The following SERGEF variants were observed in gnomAD, a reference collection of about 807,000 sequenced individuals.
SERGEF encodes secretion regulating guanine nucleotide exchange factor.
Under a neutral mutation model 50.0 loss-of-function variants are expected in SERGEF, and 51 were observed. The observed-to-expected ratio is 1.02, with a 90% CI of 0.81 to 1.29. The LOEUF (loss-of-function observed/expected upper bound fraction) is 1.29. Ranked by LOEUF, SERGEF falls within the 50% of genes most tolerant of loss-of-function variation. The probability of loss-of-function intolerance (pLI) is 0.00; values close to 1 mark genes in which losing one functional copy is unlikely to be tolerated. For synonymous variants in SERGEF, 205 were observed against 212.4 expected (o/e 0.97, Z 0.30); for missense variants, 521 against 557.0 (o/e 0.94, Z 0.65).
At chr11:17,834,005 G>T (rs1016145895) in intron 10 of SERGEF, among the ~76,000 whole-genome samples, 2 of 152,164 alleles carry the variant, frequency 1.3e-5, no homozygotes, top group African/African-American at 4.8e-5. Context: ...TGTTGGGAAG[G>T]CATGATTGGT....
chr11:17,978,379 T>C (rs751265476), intron 8 of SERGEF, among the ~76,000 whole-genome samples: 15 of 152,308 alleles, frequency 9.8e-5, no homozygotes, highest in Non-Finnish European at 1.8e-4. Flanking sequence ...GGTATAGGAC[T>C]TAAGAGATGA....
chr11:17,965,832 G>C (rs887855651), intron 8 of SERGEF, among the ~76,000 whole-genome samples: 1 of 152,160 alleles, frequency 6.6e-6, no homozygotes, highest in Admixed American at 6.5e-5. Flanking sequence ...CCATTCACTA[G>C]CTCCATAATC....
At chr11:17,846,413 G>A in intron 10 of SERGEF, 1 of 250,446 alleles carries the variant, frequency 4.0e-6, no homozygotes, top group Non-Finnish European at 8.1e-6. Context: ...TTGATGATTG[G>A]GCAGCAGTAT....
intron 9 of SERGEF, among the ~76,000 whole-genome samples, chr11:17,936,476 A>G (rs1198969064): frequency 6.6e-6 from 1 of 152,228 alleles, no homozygotes; most frequent in African/African-American, 2.4e-5. Context: ...ATAACACATT[A>G]CATTTATAGA....
intron 10 of SERGEF, among the ~76,000 whole-genome samples, chr11:17,829,180 C>T (rs1850251730): frequency 6.6e-6 from 1 of 152,208 alleles, no homozygotes; most frequent in African/African-American, 2.4e-5. Flanking sequence ...CTACTTGTTA[C>T]GTGACCTTGG....
intron 8 of SERGEF, among the ~76,000 whole-genome samples, chr11:17,984,315 G>A (rs771115874): frequency 5.9e-5 from 9 of 152,194 alleles, no homozygotes; most frequent in Admixed American, 2.6e-4. Flanking sequence ...CTCTGGAAGC[G>A]TACAATCATG....
chr11:17,867,941 A>T (rs1426806026), intron 10 of SERGEF, among the ~76,000 whole-genome samples: 1 of 152,148 alleles, frequency 6.6e-6, no homozygotes, highest in East Asian at 1.9e-4. Context: ...GGCTGCATAC[A>T]GTAGGGGCAC....
intron 10 of SERGEF, among the ~76,000 whole-genome samples, chr11:17,868,109 C>G (rs1463665960): frequency 1.3e-5 from 2 of 152,214 alleles, no homozygotes; most frequent in African/African-American, 4.8e-5. Flanking sequence ...ATTTCTGCAA[C>G]TGGCTTGAAT....
At chr11:17,911,973 G>C (rs548655447) in intron 9 of SERGEF, among the ~76,000 whole-genome samples, 1 of 152,170 alleles carries the variant, frequency 6.6e-6, no homozygotes, top group Non-Finnish European at 1.5e-5. Context: ...GATATGATGA[G>C]TTTGAGCTTA....
intron 1 of SERGEF, among the ~76,000 whole-genome samples, chr11:18,011,448 C>T (rs1854193742): frequency 6.6e-6 from 1 of 152,168 alleles, no homozygotes; most frequent in South Asian, 2.1e-4. Context: ...ATCTGCAAGC[C>T]AGAGAGAGGC....
chr11:17,925,065 CTTT>C (rs1444676379), intron 9 of SERGEF, among the ~76,000 whole-genome samples: 1 of 151,936 alleles, frequency 6.6e-6, no homozygotes, highest in Non-Finnish European at 1.5e-5. Context: ...TCTTTTTTTT[CTTT>C]TGTTTTTTAA....
At chr11:17,966,144 T>C (rs536128282) in intron 8 of SERGEF, among the ~76,000 whole-genome samples, 10 of 152,318 alleles carry the variant, frequency 6.6e-5, no homozygotes, top group South Asian at 4.1e-4. Flanking sequence ...GAAAGCTCTA[T>C]CATGGAATTT....
chr11:17,965,188 T>C (rs1396980992), intron 8 of SERGEF, among the ~76,000 whole-genome samples: 1 of 152,174 alleles, frequency 6.6e-6, no homozygotes, highest in Non-Finnish European at 1.5e-5. Context: ...GTTCTCATGA[T>C]AGTGAGTTCT....
chr11:17,871,585 T>C (rs1226768463), intron 10 of SERGEF, among the ~76,000 whole-genome samples: 1 of 151,178 alleles, frequency 6.6e-6, no homozygotes. Flanking sequence ...AAGAGAAACA[T>C]AGACAAAACC....
chr11:17,952,777 C>T (rs991225850), intron 9 of SERGEF, among the ~76,000 whole-genome samples: 14 of 152,090 alleles, frequency 9.2e-5, no homozygotes, highest in African/African-American at 3.4e-4. Flanking sequence ...ACTGAAGCTG[C>T]TCTCTCAAGT....
At chr11:18,009,916 T>G (rs754241617) in intron 1 of SERGEF, among the ~76,000 whole-genome samples, 4 of 152,142 alleles carry the variant, frequency 2.6e-5, no homozygotes, top group Non-Finnish European at 1.5e-5. Context: ...AGTACAAATA[T>G]TCATAAGAAG....
At chr11:17,847,243 T>C (rs1268926906) in intron 10 of SERGEF, among the ~76,000 whole-genome samples, 1 of 152,244 alleles carries the variant, frequency 6.6e-6, no homozygotes, top group Non-Finnish European at 1.5e-5. Context: ...TCTGCTTATG[T>C]GGTGCATTGC....
intron 10 of SERGEF, among the ~76,000 whole-genome samples, chr11:17,840,489 A>T (rs551510680): frequency 1.3e-3 from 204 of 152,180 alleles, no homozygotes; most frequent in Non-Finnish European, 2.5e-3. Flanking sequence ...ACCTCCTCTG[A>T]CACTTCTCTC....
chr11:17,998,440 C>CATACATAT (rs1191366729), intron 5 of SERGEF, among the ~76,000 whole-genome samples: 1 of 33,750 alleles, frequency 3.0e-5, no homozygotes, highest in Non-Finnish European at 4.9e-5. Flanking sequence ...TACATACATA[C>CATACATAT]ATATATATAT....
Sources: allele counts gnomAD v4.1 joint callset (sites outside exome capture counted in the v4.1 genomes callset), GRCh38; gene constraint gnomAD v4.1.1; transcripts MANE v1.5; gene names NCBI Gene and HGNC (gene_info 2026-07-23, HGNC 2026-07-21).